Variants in HDX observed in about 807,000 individuals in gnomAD.
The protein encoded by HDX is chromosome X open reading frame 43.
A neutral mutation model predicts 45.2 loss-of-function variants in HDX; 19 were observed. The observed-to-expected ratio is 0.42, with a 90% CI of 0.29 to 0.62. HDX has a LOEUF of 0.62. Among genes scored for constraint, HDX ranks in the 20% least tolerant of loss-of-function variants. The probability of loss-of-function intolerance (pLI) is 0.20; values close to 1 mark genes in which losing one functional copy is unlikely to be tolerated. For missense variants in HDX, 532 were observed against 493.9 expected (o/e 1.08, Z -0.73); for synonymous variants, 188 against 172.8 (o/e 1.09, Z -0.69).
At chrX:84,389,427 C>A (rs1000994532) in intron 5 of HDX, among the ~76,000 whole-genome samples, 1 of 111,539 alleles carries the variant, frequency 9.0e-6, no homozygotes, top group South Asian at 3.8e-4. Flanking sequence ...CTTCTCAGTG[C>A]TCTCAGGTTG....
intron 4 of HDX, among the ~76,000 whole-genome samples, chrX:84,449,731 A>G (rs1013523833): frequency 8.9e-6 from 1 of 112,370 alleles, no homozygotes; most frequent in African/African-American, 3.2e-5. Context: ...AAATCCCACT[A>G]GAAGAGCAAA....
rs200696109 is a variant in HDX, at chrX:84,469,611, T to A, written c.148-36A>T. On this transcript the variant is annotated intron_variant, in intron 3 of 10. Coordinates refer to ENST00000373177, the MANE Select transcript of HDX (RefSeq NM_001177479.2). ...AAAACATGGTATTATGAAAAAAAAA[T>A]TAAAAACAAACGAAGAAAAAACAAA... 58 of 1,094,064 alleles carry A rather than the reference T, an allele frequency of 5.3e-5. No individual in the cohort carries two copies. In the Middle Eastern group the frequency reaches 7.6e-4, roughly 14 times the overall value. 90.2% of individuals were successfully genotyped at this position (1,094,064 alleles called of 1,213,427 possible). A position where few individuals can be genotyped will look rare whatever the true frequency, so the allele number is the denominator to read the frequency against.
chrX:84,386,378 C>T (rs146799075), intron 5 of HDX, among the ~76,000 whole-genome samples: 176 of 110,621 alleles, frequency 1.6e-3, no homozygotes, highest in African/African-American at 4.8e-3. Flanking sequence ...GGCTGAGTTA[C>T]GGAGGAAACC....
Position 84,469,442 on chromosome X carries a change from T to G in HDX, c.281A>C (p.Gln94Pro). ...ATTGGCAGATGTCCAAGAAGACTGC[T>G]GGCTTGAGGGTCGAGCAATATTAAC... ...NVVNIARPSS[Q>P]QSSWTSANND... The change falls in exon 4 of 11, where the codon CAG becomes CCG. Residue 94 changes from glutamine (Q) to proline (P), a missense_variant. Around this residue, in one of 3 missense-constraint regions of HDX, gnomAD observed 376 missense variants for 343.7 expected, o/e 1.09. Coordinates refer to ENST00000373177, the MANE Select transcript of HDX (RefSeq NM_001177479.2). 8.3e-7 allele frequency: 1 copy of G among 1,211,551 alleles called. No individual in the cohort carries two copies. Among genetic ancestry groups the G allele is most frequent in the Non-Finnish European group, 1.1e-6 (1 of 895,393 alleles).
At chrX:84,495,218 T>C (rs369085697) in intron 1 of HDX, among the ~76,000 whole-genome samples, 2 of 110,843 alleles carry the variant, frequency 1.8e-5, no homozygotes, top group South Asian at 3.8e-4. Flanking sequence ...ATTGGGTAGA[T>C]GTTGATCAAG....
At chrX:84,432,926 CT>C (rs925187262) in intron 5 of HDX, among the ~76,000 whole-genome samples, 2 of 111,127 alleles carry the variant, frequency 1.8e-5, no homozygotes, top group African/African-American at 6.5e-5. Context: ...ATGCTTCCAG[CT>C]TTTGCCCAAT....
At chrX:84,387,223 T>A (rs2038339971) in intron 5 of HDX, among the ~76,000 whole-genome samples, 1 of 112,183 alleles carries the variant, frequency 8.9e-6, no homozygotes, top group Non-Finnish European at 1.9e-5. Flanking sequence ...CAATTTTTCT[T>A]AAAAAATTTA....
chrX:84,401,407 C>G (rs1265262569), intron 5 of HDX, among the ~76,000 whole-genome samples: 1 of 111,586 alleles, frequency 9.0e-6, no homozygotes, highest in Non-Finnish European at 1.9e-5. Flanking sequence ...AGGATATGAA[C>G]AAACACTTCT....
chrX:84,353,846 G>A (rs886509897), intron 6 of HDX, among the ~76,000 whole-genome samples: 2 of 111,245 alleles, frequency 1.8e-5, no homozygotes, highest in Admixed American at 1.9e-4. Flanking sequence ...ACTCTGAAAG[G>A]TTCCCAGTTG....
intron 5 of HDX, among the ~76,000 whole-genome samples, chrX:84,395,930 A>ATT (rs2038551138): frequency 9.0e-6 from 1 of 110,658 alleles, no homozygotes; most frequent in Non-Finnish European, 1.9e-5. Flanking sequence ...AATGATGTCT[A>ATT]TCTCTGGCAA....
chrX:84,477,453 A>G (rs970818338), intron 2 of HDX, among the ~76,000 whole-genome samples: 1 of 112,196 alleles, frequency 8.9e-6, no homozygotes, highest in African/African-American at 3.2e-5. Context: ...TAGTCAAATA[A>G]AGATGACTGA....
chrX:84,418,831 C>T (rs2039178472), intron 5 of HDX, among the ~76,000 whole-genome samples: 1 of 110,733 alleles, frequency 9.0e-6, no homozygotes, highest in Admixed American at 9.6e-5. Context: ...GGCATCACTC[C>T]TTTCCAGACC....
intron 5 of HDX, among the ~76,000 whole-genome samples, chrX:84,392,242 C>A (rs2038458300): frequency 9.0e-6 from 1 of 111,419 alleles, no homozygotes; most frequent in Admixed American, 9.6e-5. Context: ...GCATATTGAT[C>A]TCTGGGTCCT....
chrX:84,335,426 A>G (rs1471357096), intron 8 of HDX, among the ~76,000 whole-genome samples: 1 of 111,382 alleles, frequency 9.0e-6, no homozygotes, highest in Non-Finnish European at 1.9e-5. Flanking sequence ...TTGTTTCTAA[A>G]AAATCAATTG....
At chrX:84,382,740 G>T (rs1366567834) in intron 5 of HDX, among the ~76,000 whole-genome samples, 4 of 111,281 alleles carry the variant, frequency 3.6e-5, no homozygotes, top group Non-Finnish European at 7.6e-5. Flanking sequence ...ATAGTTAATG[G>T]CTACAAAAAG....
chrX:84,383,939 T>G (rs183759485), intron 5 of HDX, among the ~76,000 whole-genome samples: 1 of 111,727 alleles, frequency 9.0e-6, no homozygotes, highest in Non-Finnish European at 1.9e-5. Flanking sequence ...ATTTTCTTTA[T>G]CTAGTCCACT....
At chrX:84,435,644 T>A (rs1302583649) in intron 5 of HDX, among the ~76,000 whole-genome samples, 1 of 105,598 alleles carries the variant, frequency 9.5e-6, no homozygotes, top group Non-Finnish European at 2.0e-5. Context: ...CCCACGCCTA[T>A]GTCCTGAATG....
At chrX:84,340,690 A>G (rs1009093271) in intron 7 of HDX, among the ~76,000 whole-genome samples, 1 of 111,165 alleles carries the variant, frequency 9.0e-6, no homozygotes, top group Non-Finnish European at 1.9e-5. Context: ...GGACATAACT[A>G]GTAGGAAACT....
At chrX:84,356,623 T>C (rs1008314391) in intron 6 of HDX, among the ~76,000 whole-genome samples, 1 of 86,104 alleles carries the variant, frequency 1.2e-5, no homozygotes. Flanking sequence ...TCTTTTTTTT[T>C]TTTTTTTTTT....
Sources: allele counts gnomAD v4.1 joint callset (sites outside exome capture counted in the v4.1 genomes callset), GRCh38; gene constraint gnomAD v4.1.1; regional missense constraint gnomAD v4.1.1; transcripts MANE v1.5; gene names NCBI Gene and HGNC (gene_info 2026-07-23, HGNC 2026-07-21).